ZNF83: variants seen among roughly 807,000 people sequenced by gnomAD.
ZNF83 encodes zinc finger protein 83.
For synonymous variants in ZNF83, 209 were observed against 213.0 expected (o/e 0.98, Z 0.17); for missense variants, 552 against 629.9 (o/e 0.88, Z 1.32).
At chr19:52,671,034 T>C (rs1425501211) in intron 1 of ZNF83, among the ~76,000 whole-genome samples, 8 of 152,200 alleles carry the variant, frequency 5.3e-5, no homozygotes, top group African/African-American at 1.9e-4. Context: ...TCAGGATTGG[T>C]AGGGCCTAGA....
intron 1 of ZNF83, among the ~76,000 whole-genome samples, chr19:52,678,253 C>A (rs1180044432): frequency 6.6e-6 from 1 of 151,534 alleles, no homozygotes; most frequent in Non-Finnish European, 1.5e-5. Context: ...TAGTTCAAGA[C>A]CAGACTGGCC....
chr19:52,653,358 T>A (rs1364086418), intron 3 of ZNF83: 16 of 1,174,466 alleles, frequency 1.4e-5, no homozygotes, highest in Non-Finnish European at 1.9e-5. Context: ...GTGCAAGGTA[T>A]GAATCACGCT....
chr19:52,687,573 AAATT>A (rs2062054471), intron 1 of ZNF83, among the ~76,000 whole-genome samples: 13 of 36,004 alleles, frequency 3.6e-4, no homozygotes, highest in African/African-American at 1.4e-3. Context: ...ATATATATAT[AAATT>A]TTATATATAT....
chr19:52,614,286 G>A (rs774598236), exon 3 of ZNF83: 1 of 1,614,112 alleles, frequency 6.2e-7, no homozygotes, highest in Non-Finnish European at 8.5e-7. Flanking sequence ...CACTACATTT[G>A]TAGTGTTCTG....
At chr19:52,681,498 T>A (rs1341812851) in intron 1 of ZNF83, among the ~76,000 whole-genome samples, 1 of 152,186 alleles carries the variant, frequency 6.6e-6, no homozygotes, top group Non-Finnish European at 1.5e-5. Flanking sequence ...CATTTTTGAA[T>A]GCTTCCCATG....
At chr19:52,634,986 C>T in intron 2 of ZNF83, 80 bp downstream of exon 2, 6 of 708,120 alleles carry the variant, frequency 8.5e-6, no homozygotes, top group Middle Eastern at 2.5e-4. Context: ...TTCTTGAGAC[C>T]CAGAGAAGAT....
At chr19:52,615,005 T>C (rs1228364479) in intron 2 of ZNF83, among the ~76,000 whole-genome samples, 2 of 152,176 alleles carry the variant, frequency 1.3e-5, no homozygotes, top group Non-Finnish European at 2.9e-5. Context: ...TTCAAACTAA[T>C]TGCAGAAAAG....
chr19:52,687,631 A>AAT (rs1208065797), intron 1 of ZNF83, among the ~76,000 whole-genome samples: 817 of 10,604 alleles, frequency 0.077, 108 homozygotes, highest in African/African-American at 0.2. Context: ...TATATATATA[A>AAT]TGTATATATA....
At chr19:52,621,996 G>T (rs566873817) in intron 2 of ZNF83, among the ~76,000 whole-genome samples, 2 of 151,960 alleles carry the variant, frequency 1.3e-5, no homozygotes, top group Non-Finnish European at 2.9e-5. Context: ...ACCAACTGCT[G>T]CTGAGTCTTC....
upstream of ZNF83, among the ~76,000 whole-genome samples, chr19:52,642,261 CTTTTTTTT>C (rs869173970): frequency 6.3e-5 from 3 of 47,832 alleles, no homozygotes; most frequent in African/African-American, 3.2e-4. Flanking sequence ...AGTATTGTAG[CTTTTTTTT>C]TTTTTTTTTT....
chr19:52,613,353 A>T (rs1314820567), exon 3 of ZNF83: 4 of 1,613,884 alleles, frequency 2.5e-6, no homozygotes. Flanking sequence ...TGCCACATTC[A>T]TCACATTTGT....
At position 52,634,127 on chromosome 19, in the gene ZNF83, C is replaced by T. The variant is rs978216889; in HGVS notation, c.-234+939G>A. The stretch of plus-strand genomic sequence containing the variant: ...TCTACTAAAAATACAAAAAGATTAG[C>T]CGGGTGTGGTGGCATGTACCTGTAA... On this transcript the variant is annotated intron_variant, in intron 2 of 2. Coordinates refer to ENST00000301096, the Ensembl canonical transcript of ZNF83. 4.6e-5 allele frequency among the ~76,000 whole-genome samples: 7 copies of T among 151,868 alleles called. No homozygotes were observed. The East Asian group carries it at 1.4e-3, about 30-fold the overall frequency.
At chr19:52,671,493 G>A (rs996186773) in intron 1 of ZNF83, among the ~76,000 whole-genome samples, 2 of 151,828 alleles carry the variant, frequency 1.3e-5, no homozygotes, top group African/African-American at 2.4e-5. Context: ...ACCCCGGCTG[G>A]AATGCAGTGG....
At chr19:52,688,125 A>T (rs942829386) in intron 1 of ZNF83, among the ~76,000 whole-genome samples, 1 of 152,006 alleles carries the variant, frequency 6.6e-6, no homozygotes, top group East Asian at 1.9e-4. Context: ...GTCACAACTA[A>T]TCATAGCCAA....
Position 52,635,499 on chromosome 19 carries a change from C to T in ZNF83, c.-321-346G>A, listed in dbSNP as rs565596778. On this transcript the variant is annotated intron_variant, in intron 1 of 2. Coordinates refer to ENST00000301096, the Ensembl canonical transcript of ZNF83. Reference sequence around the variant, plus strand: ...CTCTGGGAGGCTGAGGCAGGTGGATCGCTTAATCTCAGGGGTTTGAGATCA... The same window carrying T: ...CTCTGGGAGGCTGAGGCAGGTGGATTGCTTAATCTCAGGGGTTTGAGATCA... 3.5e-4 allele frequency: 56 copies of T among 161,102 alleles called. No homozygotes were observed. In the South Asian group the frequency reaches 4.3e-3, roughly 12 times the overall value. The allele number at this position is 161,102 out of a possible 1,614,324, so 10.0% of individuals were successfully genotyped here. A position where few individuals can be genotyped will look rare whatever the true frequency, so the allele number is the denominator to read the frequency against.
chr19:52,640,184 C>T (rs909095764), upstream of ZNF83, among the ~76,000 whole-genome samples: 4 of 152,170 alleles, frequency 2.6e-5, no homozygotes, highest in Admixed American at 2.0e-4. Context: ...CCGACAGAAA[C>T]TGACGTCAGC....
At chr19:52,618,965 A>C in intron 2 of ZNF83, 1 of 1,538,234 alleles carries the variant, frequency 6.5e-7, no homozygotes, top group African/African-American at 1.4e-5. Flanking sequence ...ATAATTCTCC[A>C]ACATCACATC....
At chr19:52,680,828 G>T (rs991698352) in intron 1 of ZNF83, among the ~76,000 whole-genome samples, 4 of 150,116 alleles carry the variant, frequency 2.7e-5, no homozygotes, top group Admixed American at 2.0e-4. Flanking sequence ...TAGCCAGGAT[G>T]GTCTCGATCT....
exon 3 of ZNF83, chr19:52,613,006 CTGCCACATTA>C: frequency 6.4e-7 from 1 of 1,573,978 alleles, no homozygotes; most frequent in Non-Finnish European, 8.6e-7. Flanking sequence ...ACTGAACACT[CTGCCACATTA>C]ATTACATGTG....
Sources: gnomAD v4.1 joint callset for allele counts (sites outside exome capture counted in the v4.1 genomes callset) on GRCh38, gnomAD v4.1.1 for gene constraint, MANE v1.5 for transcripts, NCBI Gene and HGNC (gene_info 2026-07-23, HGNC 2026-07-21) for gene names.